The following ZFPM2 variants were observed in gnomAD, a reference collection of about 807,000 sequenced individuals.
The protein encoded by ZFPM2 is zinc finger protein, FOG family member 2, also known as zinc finger protein ZFPM2.
In ZFPM2, 20 loss-of-function variants were observed where a neutral mutation model predicts 98.6. The observed-to-expected ratio is 0.20, with a 90% CI of 0.14 to 0.29. ZFPM2 has a LOEUF of 0.29. Among genes scored for constraint, ZFPM2 ranks in the 10% least tolerant of loss-of-function variants. ZFPM2 has a pLI of 1.00. For missense variants in ZFPM2, 1,310 were observed against 1,388.6 expected, an observed-to-expected ratio of 0.94 and a Z score of 0.90; for synonymous variants, 518 against 502.7, an observed-to-expected ratio of 1.03 and a Z score of -0.41.
intron 4 of ZFPM2, among the ~76,000 whole-genome samples, chr8:105,614,143 A>T (rs1255299236): frequency 6.6e-6 from 1 of 152,086 alleles, no homozygotes; most frequent in East Asian, 1.9e-4. Context: ...ACAGATCATT[A>T]TTTTTTTCCA....
At chr8:105,411,184 G>T (rs545714720) in intron 1 of ZFPM2, among the ~76,000 whole-genome samples, 1 of 151,970 alleles carries the variant, frequency 6.6e-6, no homozygotes, top group African/African-American at 2.4e-5. Flanking sequence ...AATATTAAGT[G>T]CCTTGGCTAA....
intron 5 of ZFPM2, among the ~76,000 whole-genome samples, chr8:105,779,407 A>AGAT (rs1484095277): frequency 6.6e-6 from 1 of 152,222 alleles, no homozygotes; most frequent in Non-Finnish European, 1.5e-5. Context: ...TCAATCACAC[A>AGAT]GATAAATTAG....
At chr8:105,358,826 G>T (rs576468009) in intron 1 of ZFPM2, among the ~76,000 whole-genome samples, 4 of 152,028 alleles carry the variant, frequency 2.6e-5, no homozygotes, top group African/African-American at 9.7e-5. Context: ...GTGGTGGTGC[G>T]TGCCTGTAGT....
intron 3 of ZFPM2, among the ~76,000 whole-genome samples, chr8:105,453,152 G>A (rs1406172264): frequency 6.6e-6 from 1 of 152,096 alleles, no homozygotes; most frequent in Non-Finnish European, 1.5e-5. Context: ...ATTAGTTAGG[G>A]CAAGTTTATG....
At chr8:105,664,114 A>G (rs1338532581) in intron 5 of ZFPM2, among the ~76,000 whole-genome samples, 2 of 152,190 alleles carry the variant, frequency 1.3e-5, no homozygotes, top group Non-Finnish European at 2.9e-5. Flanking sequence ...ATCAACAAGT[A>G]ATTTCTTAAA....
At chr8:105,604,576 C>T (rs1228974345) in intron 4 of ZFPM2, among the ~76,000 whole-genome samples, 1 of 152,054 alleles carries the variant, frequency 6.6e-6, no homozygotes, top group Non-Finnish European at 1.5e-5. Context: ...CTCTGCCTTG[C>T]TGACTTCATC....
chr8:105,480,636 A>G (rs1813096300), intron 3 of ZFPM2, among the ~76,000 whole-genome samples: 1 of 152,246 alleles, frequency 6.6e-6, no homozygotes. Context: ...CAAGAAAAAA[A>G]GGCATATTCT....
At chr8:105,464,030 C>T (rs949565969) in intron 3 of ZFPM2, among the ~76,000 whole-genome samples, 6 of 152,148 alleles carry the variant, frequency 3.9e-5, no homozygotes, top group Middle Eastern at 3.4e-3. Context: ...CTGAGGGCTT[C>T]GCAGTTTTGC....
At chr8:105,542,824 A>G (rs1814608799) in intron 3 of ZFPM2, among the ~76,000 whole-genome samples, 1 of 152,212 alleles carries the variant, frequency 6.6e-6, no homozygotes, top group Non-Finnish European at 1.5e-5. Flanking sequence ...AAACTGTGGT[A>G]TAATATCACA....
chr8:105,448,304 T>C (rs1388299978), intron 3 of ZFPM2, among the ~76,000 whole-genome samples: 1 of 152,094 alleles, frequency 6.6e-6, no homozygotes, highest in African/African-American at 2.4e-5. Flanking sequence ...GCCTATATTT[T>C]ATTTATCTTA....
rs879913320 is a variant in ZFPM2 at position 105,653,773 on chromosome 8, G to A, written c.532+19416G>A. ...GTTAGAGGCAAATAGAAAACACAGAGCATGAGCGTATCATAAAGGAAAAAT... is the reference window on the plus strand; with the variant it reads ...GTTAGAGGCAAATAGAAAACACAGAACATGAGCGTATCATAAAGGAAAAAT... On this transcript the variant is annotated intron_variant, in intron 5 of 7. Transcript: ENST00000407775. 1.2e-4 allele frequency among the ~76,000 whole-genome samples: 18 copies of A among 149,658 alleles called. 1 individual carries two copies. The highest frequency in any genetic ancestry group is 7.3e-4 in the Admixed American group (11 of 15,036).
intron 1 of ZFPM2, among the ~76,000 whole-genome samples, chr8:105,337,034 C>CA (rs1812339976): frequency 6.6e-6 from 1 of 151,742 alleles, no homozygotes. Flanking sequence ...CTCAAAAGAT[C>CA]ATCGAAGAAA....
chr8:105,763,843 G>A (rs1812793046), intron 5 of ZFPM2, among the ~76,000 whole-genome samples: 1 of 151,726 alleles, frequency 6.6e-6, no homozygotes, highest in African/African-American at 2.4e-5. Flanking sequence ...CTAAGGGTTT[G>A]GAAGCTGTTT....
intron 3 of ZFPM2, among the ~76,000 whole-genome samples, chr8:105,464,655 T>C (rs1374858686): frequency 2.0e-5 from 3 of 151,948 alleles, no homozygotes; most frequent in African/African-American, 4.8e-5. Context: ...GGGTGGATTA[T>C]AGAAATCCAT....
At chr8:105,772,618 T>C (rs147384703) in intron 5 of ZFPM2, among the ~76,000 whole-genome samples, 158 of 152,286 alleles carry the variant, frequency 1.0e-3, no homozygotes, top group African/African-American at 3.7e-3. Context: ...GCACACATAA[T>C]TCCCCTTAAA....
intron 1 of ZFPM2, among the ~76,000 whole-genome samples, chr8:105,334,535 G>A (rs938801643): frequency 2.0e-5 from 3 of 151,570 alleles, no homozygotes; most frequent in African/African-American, 4.8e-5. Flanking sequence ...CAGCAGCATA[G>A]GTCATGGGTG....
At chr8:105,422,939 A>G (rs962810629) in intron 2 of ZFPM2, among the ~76,000 whole-genome samples, 6 of 152,166 alleles carry the variant, frequency 3.9e-5, no homozygotes, top group African/African-American at 1.4e-4. Flanking sequence ...GAGCATTTCT[A>G]TTATACAGGA....
intron 5 of ZFPM2, among the ~76,000 whole-genome samples, chr8:105,714,989 T>C (rs1473106878): frequency 6.6e-6 from 1 of 152,130 alleles, no homozygotes; most frequent in African/African-American, 2.4e-5. Context: ...ACTTCTGATG[T>C]AGGTCTTTGG....
At chr8:105,774,934 C>T (rs1391150000) in intron 5 of ZFPM2, among the ~76,000 whole-genome samples, 1 of 152,018 alleles carries the variant, frequency 6.6e-6, no homozygotes, top group African/African-American at 2.4e-5. Context: ...TCTGTGGTGG[C>T]AAACTGAGGC....
Sources: gnomAD v4.1 joint callset for allele counts (sites outside exome capture counted in the v4.1 genomes callset) on GRCh38, gnomAD v4.1.1 for gene constraint, MANE v1.5 for transcripts, NCBI Gene and HGNC (gene_info 2026-07-23, HGNC 2026-07-21) for gene names.